The following VCPIP1 variants were observed in gnomAD, a reference collection of about 807,000 sequenced individuals.
VCPIP1 encodes the protein deubiquitinating protein VCPIP1.
Under a neutral mutation model 85.0 loss-of-function variants are expected in VCPIP1, and 8 were observed. The observed-to-expected ratio is 0.09, with a 90% confidence interval of 0.06 to 0.17. The LOEUF (loss-of-function observed/expected upper bound fraction) is 0.17. Among genes scored for constraint, VCPIP1 ranks in the 10% least tolerant of loss-of-function variants. VCPIP1 has a pLI of 1.00. For missense variants in VCPIP1, 1,070 were observed against 1,486.3 expected, an observed-to-expected ratio of 0.72 and a Z score of 4.61; for synonymous variants, 543 against 544.5, an observed-to-expected ratio of 1.00 and a Z score of 0.04.
chr8:66,641,401 C>A (rs919854016), intron 2 of VCPIP1, among the ~76,000 whole-genome samples: 5 of 151,936 alleles, frequency 3.3e-5, no homozygotes, highest in Middle Eastern at 3.2e-3. Flanking sequence ...GACAGAGTTT[C>A]CCTCTATCAC....
At chr8:66,650,357 A>C (rs1311231924) in intron 2 of VCPIP1, among the ~76,000 whole-genome samples, 1 of 152,246 alleles carries the variant, frequency 6.6e-6, no homozygotes, top group Non-Finnish European at 1.5e-5. Context: ...AGAGATGAAA[A>C]CAACAAGATT....
In VCPIP1 at chr8:66,666,740, G is replaced by A. The variant is rs1006876239; in HGVS notation, c.219C>T (p.Cys73=). ...SGSVSIECTE[C]GQRHEQQQLL... is the part of the protein sequence containing the mutation. ...GCTGTTGCTGCTCGTGCCGCTGGCC[G>A]CACTCGGTACACTCGATGCTGACAG... Residue 73 remains cysteine (C), a synonymous_variant, in exon 1 of 3, where the codon TGC becomes TGT. Coordinates refer to ENST00000310421, the MANE Select transcript of VCPIP1 (RefSeq NM_025054.5). The surrounding 1 kb of genome is among the most constrained non-coding windows in gnomAD (Gnocchi z 6.3). The A allele has an allele frequency of 1.3e-5, 21 of 1,613,812 alleles. No individual in the cohort carries two copies. Among genetic ancestry groups the A allele is most frequent in the Non-Finnish European group, 1.6e-5 (19 of 1,179,924 alleles).
In VCPIP1 at chr8:66,667,067, T is replaced by C. The variant is rs1034425288; in HGVS notation, c.-109A>G. ...CCAGTCCAGGCCCAGGGCGAAGCAC[T>C]TTCCTTTCCCTACCAGCTCTTCCTC... On this transcript the variant is annotated 5_prime_UTR_variant, in exon 1 of 3. Coordinates refer to ENST00000310421, the MANE Select transcript of VCPIP1 (RefSeq NM_025054.5). 7.1e-7 allele frequency: 1 copy of C among 1,404,968 alleles called. No homozygotes were observed. Among genetic ancestry groups the C allele is most frequent in the Non-Finnish European group, 9.2e-7 (1 of 1,082,900 alleles). 87.0% of individuals were successfully genotyped at this position (1,404,968 alleles called of 1,614,324 possible). A position where few individuals can be genotyped will look rare whatever the true frequency, so the allele number is the denominator to read the frequency against.
intron 2 of VCPIP1, among the ~76,000 whole-genome samples, chr8:66,646,185 G>A (rs1381156984): frequency 6.6e-6 from 1 of 150,822 alleles, no homozygotes; most frequent in Non-Finnish European, 1.5e-5. Flanking sequence ...GGCTTCTCCT[G>A]CCTCAGCCTC....
intron 2 of VCPIP1, among the ~76,000 whole-genome samples, chr8:66,649,130 A>G (rs1443104977): frequency 6.6e-6 from 1 of 152,106 alleles, no homozygotes; most frequent in African/African-American, 2.4e-5. Context: ...CGATCATACC[A>G]GTGCACTCCA....
chr8:66,641,207 G>A (rs750545935), intron 2 of VCPIP1, among the ~76,000 whole-genome samples: 4 of 152,116 alleles, frequency 2.6e-5, no homozygotes, highest in African/African-American at 7.2e-5. Flanking sequence ...CAAGCCCCTC[G>A]GGGGTCAAGG....
intron 2 of VCPIP1, 25 bp downstream of exon 2, chr8:66,651,433 A>C: frequency 6.5e-7 from 1 of 1,543,192 alleles, no homozygotes; most frequent in Non-Finnish European, 8.8e-7. Context: ...GCTATTATTT[A>C]AGAATAAAAT....
intron 2 of VCPIP1, among the ~76,000 whole-genome samples, chr8:66,645,132 A>G (rs1043702306): frequency 7.9e-5 from 12 of 151,320 alleles, no homozygotes; most frequent in Admixed American, 6.0e-4. Context: ...AAAAAAAAAA[A>G]AAAAGAGGCC....
chr8:66,666,982 T>C lies in VCPIP1; in HGVS notation c.-24A>G, dbSNP rs912661003. 2 of 1,508,732 alleles carry C rather than the reference T, an allele frequency of 1.3e-6. No individual in the cohort carries two copies. The highest frequency in any genetic ancestry group is 2.3e-4 in the Middle Eastern group (1 of 4,284). The allele number at this position is 1,508,732 out of a possible 1,614,324, so 93.5% of individuals were successfully genotyped here. A position where few individuals can be genotyped will look rare whatever the true frequency, so the allele number is the denominator to read the frequency against. On this transcript the variant is annotated 5_prime_UTR_variant, in exon 1 of 3. Transcript: ENST00000310421. The surrounding 1 kb of genome is among the most constrained non-coding windows in gnomAD (Gnocchi z 6.3). Reference sequence around the variant, plus strand: ...ATAGCTCCTGGCTCTCGTGTCTCGCTCCGCGTCCCAGGCGACCCTCAAAAG... The same window carrying C: ...ATAGCTCCTGGCTCTCGTGTCTCGCCCCGCGTCCCAGGCGACCCTCAAAAG...
rs1810836564 is a variant in VCPIP1, at chr8:66,631,825, C to A, written c.*2676G>T. Reference sequence around the variant, plus strand: ...CCATTCTCATGGAGTTAATTATATTCTATCTTAATATATGGCAGCATCTTG... The same window carrying A: ...CCATTCTCATGGAGTTAATTATATTATATCTTAATATATGGCAGCATCTTG... On this transcript the variant is annotated 3_prime_UTR_variant, in exon 3 of 3. Coordinates refer to ENST00000310421, the MANE Select transcript of VCPIP1 (RefSeq NM_025054.5). 6.6e-6 allele frequency: 1 copy of A among 152,484 alleles called. No homozygotes were observed. Among genetic ancestry groups the A allele is most frequent in the Non-Finnish European group, 1.5e-5 (1 of 67,952 alleles). 9.4% of individuals were successfully genotyped at this position (152,484 alleles called of 1,614,324 possible). A position where few individuals can be genotyped will look rare whatever the true frequency, so the allele number is the denominator to read the frequency against.
rs960229568 is a variant in VCPIP1, at chr8:66,664,342, C to T, written c.2617G>A (p.Asp873Asn). The change falls in exon 1 of 3, where the codon GAT (aspartate) becomes AAT (asparagine). Residue 873 changes from aspartate (D) to asparagine (N), a missense_variant. Physicochemically the swap from Asp to Asn is conservative, Grantham distance 23. Transcript: ENST00000310421. ...AHSAHTVKQE[D>N]IAVTGKLSSK... ...GACAGTTTACCAGTAACAGCAATAT[C>T]TTCTTGTTTCACAGTGTGGGCTGAG... 24 of 1,613,038 alleles carry T rather than the reference C, an allele frequency of 1.5e-5. No individual in the cohort carries two copies. The highest frequency in any genetic ancestry group is 2.0e-5 in the Non-Finnish European group (24 of 1,179,110).
intron 2 of VCPIP1, among the ~76,000 whole-genome samples, chr8:66,644,237 A>C (rs901633586): frequency 1.1e-4 from 16 of 152,330 alleles, no homozygotes; most frequent in African/African-American, 3.8e-4. Context: ...AATGCTTCTC[A>C]GTGCTATTTT....
intron 2 of VCPIP1, among the ~76,000 whole-genome samples, chr8:66,637,242 T>C (rs1810896360): frequency 6.6e-6 from 1 of 151,768 alleles, no homozygotes. Context: ...TCTCAGCTTT[T>C]TGGGAGGCTG....
In VCPIP1 at chr8:66,667,160, C is replaced by G; in HGVS notation, c.-202G>C. On this transcript the variant is annotated 5_prime_UTR_variant, in exon 1 of 3. Transcript: ENST00000310421. ...TACTTCTCCACTGCCGTAGCCGTTG[C>G]CCCGAACGTAACGGCCACCACCCCA... The G allele has an allele frequency of 1.6e-6, 2 of 1,218,846 alleles. No individual in the cohort carries two copies. Among genetic ancestry groups the G allele is most frequent in the Non-Finnish European group, 2.2e-6 (2 of 923,336 alleles). 75.5% of individuals were successfully genotyped at this position (1,218,846 alleles called of 1,614,324 possible). A position where few individuals can be genotyped will look rare whatever the true frequency, so the allele number is the denominator to read the frequency against.
intron 2 of VCPIP1, 46 bp from the exon 3 acceptor site, chr8:66,635,418 TAATAA>T (rs1810874931): frequency 2.7e-6 from 4 of 1,502,668 alleles, no homozygotes; most frequent in Admixed American, 2.1e-5. Context: ...CTTAAGGTAT[TAATAA>T]AAGTGTAGTC....
rs886259745 is a variant in VCPIP1, at chr8:66,667,034, G to A, written c.-76C>T. On this transcript the variant is annotated 5_prime_UTR_variant, in exon 1 of 3. Transcript: ENST00000310421. The stretch of plus-strand genomic sequence containing the variant: ...TCATAGCCCAGACCCCCACCAACCC[G>A]ACTCGGTCCAGTCCAGGCCCAGGGC... The A allele has an allele frequency of 3.3e-5, 47 of 1,440,636 alleles. No homozygotes were observed. The highest frequency in any genetic ancestry group is 4.1e-5 in the Non-Finnish European group (45 of 1,100,676). 89.2% of individuals were successfully genotyped at this position (1,440,636 alleles called of 1,614,324 possible). A position where few individuals can be genotyped will look rare whatever the true frequency, so the allele number is the denominator to read the frequency against.
chr8:66,648,280 A>G (rs547657658), intron 2 of VCPIP1, among the ~76,000 whole-genome samples: 1 of 152,212 alleles, frequency 6.6e-6, no homozygotes, highest in Non-Finnish European at 1.5e-5. Flanking sequence ...ATAGGGCAAC[A>G]TTTGTGCACC....
At chr8:66,648,488 A>G (rs1211756110) in intron 2 of VCPIP1, among the ~76,000 whole-genome samples, 1 of 152,104 alleles carries the variant, frequency 6.6e-6, no homozygotes, top group Non-Finnish European at 1.5e-5. Context: ...TCTGTCATCT[A>G]TCTGATCTAA....
chr8:66,634,499 AATCAAGAGT>A lies in VCPIP1; in HGVS notation c.3662_*1del. On this transcript the variant is annotated stop_retained_variant and 3_prime_UTR_variant, in exon 3 of 3. Coordinates refer to ENST00000310421, the MANE Select transcript of VCPIP1 (RefSeq NM_025054.5). ...TTCTGCCTTTATTAGCCTCTAATTA[AATCAAGAGT>A]GATCCATTGGCTCAGTTGTGTTAGT... The A allele has an allele frequency of 6.3e-7, 1 of 1,582,800 alleles. No homozygotes were observed. Among genetic ancestry groups the A allele is most frequent in the Admixed American group, 1.8e-5 (1 of 54,494 alleles).
Sources: gnomAD v4.1 joint callset for allele counts (sites outside exome capture counted in the v4.1 genomes callset) on GRCh38, gnomAD v4.1.1 for gene constraint, Gnocchi (gnomAD v3.1) non-coding constraint, MANE v1.5 for transcripts, NCBI Gene and HGNC (gene_info 2026-07-23, HGNC 2026-07-21) for gene names.